NPHP1: variants seen among roughly 807,000 people sequenced by gnomAD.
NPHP1 encodes nephrocystin 1.
NPHP1 carries 70 observed loss-of-function variants against 90.4 expected under a neutral mutation model. The observed-to-expected ratio is 0.77, with a 90% confidence interval of 0.64 to 0.95. The LOEUF (loss-of-function observed/expected upper bound fraction) is 0.95, where lower values mean the gene tolerates loss of function less well. Ranked by LOEUF, NPHP1 falls within the 40% of genes least tolerant of loss-of-function variation. The pLI is 0.00. For synonymous variants in NPHP1, 256 were observed against 271.7 expected (o/e 0.94, Z 0.57); for missense variants, 764 against 795.9 (o/e 0.96, Z 0.48).
At chr2:110,180,579 A>T (rs1683824464) in intron 2 of NPHP1, among the ~76,000 whole-genome samples, 1 of 151,158 alleles carries the variant, frequency 6.6e-6, no homozygotes, top group African/African-American at 2.4e-5. Flanking sequence ...CACTGAGAGG[A>T]ATGAAGAAGG....
intron 11 of NPHP1, among the ~76,000 whole-genome samples, chr2:110,151,976 T>C (rs1472756739): frequency 6.6e-6 from 1 of 152,138 alleles, no homozygotes; most frequent in African/African-American, 2.4e-5. Flanking sequence ...TCTTGACATA[T>C]TGACTCTAAG....
At chr2:110,144,721 T>A in intron 14 of NPHP1, 152 bp from the exon 15 acceptor site, 1 of 650,448 alleles carries the variant, frequency 1.5e-6, no homozygotes, top group Non-Finnish European at 2.8e-6. Context: ...GATCCCTCCA[T>A]GAGGTACTAT....
intron 4 of NPHP1, 123 bp downstream of exon 4, chr2:110,178,300 A>G: frequency 1.1e-6 from 1 of 945,114 alleles, no homozygotes; most frequent in South Asian, 1.4e-5. Context: ...ATAAATGTTG[A>G]CTGATTCTAT....
At chr2:110,163,550 G>A in intron 8 of NPHP1, 1 of 190,104 alleles carries the variant, frequency 5.3e-6, no homozygotes, top group Non-Finnish European at 1.1e-5. Context: ...ACACATACAA[G>A]GATGTACTTA....
At chr2:110,198,624 G>A (rs979327032) in intron 2 of NPHP1, among the ~76,000 whole-genome samples, 2 of 151,966 alleles carry the variant, frequency 1.3e-5, no homozygotes, top group African/African-American at 4.8e-5. Flanking sequence ...ATTAACAAAC[G>A]ACCTGAAGAG....
At chr2:110,195,350 C>T (rs1685082412) in intron 2 of NPHP1, among the ~76,000 whole-genome samples, 1 of 152,106 alleles carries the variant, frequency 6.6e-6, no homozygotes, top group Non-Finnish European at 1.5e-5. Flanking sequence ...CACAAGCATT[C>T]TTATATACCA....
chr2:110,160,035 T>G, intron 11 of NPHP1, 92 bp downstream of exon 11: 1 of 1,379,668 alleles, frequency 7.2e-7, no homozygotes, highest in Non-Finnish European at 1.0e-6. Flanking sequence ...AATACTCTCT[T>G]GGGAATTGGG....
chr2:110,191,008 T>C lies in NPHP1; in HGVS notation c.143+10413A>G, dbSNP rs144202432. ...GTCAAAAAAACAGATGTTGGCAAAA[T>C]TGCAGAGAAAAAGGAACACTTGGGG... On this transcript the variant is annotated intron_variant, in intron 2 of 19. Coordinates refer to ENST00000445609, the MANE Select transcript of NPHP1 (RefSeq NM_001128178.3). 3.3e-5 allele frequency among the ~76,000 whole-genome samples: 5 copies of C among 152,104 alleles called. No individual in the cohort carries two copies. The East Asian group carries it at 7.7e-4, about 24-fold the overall frequency.
intron 11 of NPHP1, among the ~76,000 whole-genome samples, chr2:110,157,815 A>T (rs182903244): frequency 5.6e-4 from 85 of 152,262 alleles, no homozygotes; most frequent in East Asian, 7.7e-4. Flanking sequence ...TCACTCTGAT[A>T]ACTTCCCTTA....
At chr2:110,170,597 A>G (rs538324530) in intron 4 of NPHP1, among the ~76,000 whole-genome samples, 19 of 152,146 alleles carry the variant, frequency 1.2e-4, no homozygotes, top group Non-Finnish European at 2.6e-4. Context: ...ACAAAGGTAA[A>G]CCAGACATGA....
intron 13 of NPHP1, 114 bp downstream of exon 13, chr2:110,147,802 G>A (rs1681170573): frequency 2.9e-6 from 2 of 700,274 alleles, no homozygotes; most frequent in Admixed American, 4.6e-5. Context: ...TTCCTCAAGG[G>A]ATTAAAATTC....
chr2:110,194,048 G>C (rs1193231004), intron 2 of NPHP1, among the ~76,000 whole-genome samples: 1 of 151,948 alleles, frequency 6.6e-6, no homozygotes, highest in African/African-American at 2.4e-5. Context: ...GCCCACAAGA[G>C]AAAGCAGGAA....
At chr2:110,178,126 A>G (rs548874090) in intron 4 of NPHP1, 1 of 461,144 alleles carries the variant, frequency 2.2e-6, no homozygotes, top group Admixed American at 3.9e-5. Flanking sequence ...ACACATCAAC[A>G]TTGACATTAA....
rs563104956 is a variant in NPHP1 at position 110,177,063 on chromosome 2, T to C, written c.329+1360A>G. 2.0e-5 allele frequency among the ~76,000 whole-genome samples: 3 copies of C among 152,298 alleles called. No homozygotes were observed. The East Asian group carries it at 5.8e-4, about 29-fold the overall frequency. On this transcript the variant is annotated intron_variant, in intron 4 of 19. Coordinates refer to ENST00000445609, the MANE Select transcript of NPHP1 (RefSeq NM_001128178.3). ...AGACTACTATTCCCTGCTTGGAATC[T>C]ACCTTCCTCCACCACAGCTCATAAA...
Position 110,204,893 on chromosome 2 carries a change from A to G in NPHP1, c.69+7T>C, listed in dbSNP as rs1323618158. 3.7e-6 allele frequency: 6 copies of G among 1,613,606 alleles called. No individual in the cohort carries two copies. Among genetic ancestry groups the G allele is most frequent in the Non-Finnish European group, 5.1e-6 (6 of 1,179,822 alleles). On this transcript the variant is annotated splice_region_variant and intron_variant, in intron 1 of 19. Transcript: ENST00000445609. ...GCCCCAGGGCCCTCTGCACAGCCTG[A>G]CCATACCTGTTGCTTCAGCTCCTGA...
rs1679138673 is a variant in NPHP1 at position 110,123,732 on chromosome 2, CGTAATCG to C, written c.*52_*58del. 1 of 1,571,772 alleles carries C rather than the reference CGTAATCG, an allele frequency of 6.4e-7. No homozygotes were observed. Among genetic ancestry groups the C allele is most frequent in the Non-Finnish European group, 8.7e-7 (1 of 1,143,182 alleles). ...ATTTTTGGTTCCATCATTTTATTCA[CGTAATCG>C]TGGAGGATCCATCTGATTCCGTGGG... is the stretch of plus-strand genomic sequence containing the variant. On this transcript the variant is annotated 3_prime_UTR_variant, in exon 20 of 20. Transcript: ENST00000445609.
chr2:110,136,574 T>C (rs1680219169), intron 16 of NPHP1, among the ~76,000 whole-genome samples: 1 of 152,050 alleles, frequency 6.6e-6, no homozygotes, highest in African/African-American at 2.4e-5. Flanking sequence ...CCATTCACAA[T>C]TGCTACAAAG....
intron 2 of NPHP1, chr2:110,185,223 C>A: frequency 1.9e-6 from 1 of 518,602 alleles, no homozygotes; most frequent in Non-Finnish European, 3.9e-6. Context: ...GTTAACTCCA[C>A]TTTAAAACTC....
chr2:110,174,036 CTTTGT>C (rs1683345109), intron 4 of NPHP1, among the ~76,000 whole-genome samples: 1 of 151,956 alleles, frequency 6.6e-6, no homozygotes, highest in African/African-American at 2.4e-5. Flanking sequence ...ACCGTATCAC[CTTTGT>C]TTTGGTTATA....
Sources: gnomAD v4.1 joint callset for allele counts (sites outside exome capture counted in the v4.1 genomes callset) on GRCh38, gnomAD v4.1.1 for gene constraint, MANE v1.5 for transcripts, NCBI Gene and HGNC (gene_info 2026-07-23, HGNC 2026-07-21) for gene names.